The following ARHGAP22 variants were observed in gnomAD, a reference collection of about 807,000 sequenced individuals.
ARHGAP22 encodes rho GTPase-activating protein 22.
A neutral mutation model predicts 59.1 loss-of-function variants in ARHGAP22; 48 were observed. The observed-to-expected ratio is 0.81, with a 90% CI of 0.64 to 1.03. The LOEUF (loss-of-function observed/expected upper bound fraction) is 1.03. Ranked by LOEUF, ARHGAP22 falls within the 50% of genes least tolerant of loss-of-function variation. The probability of loss-of-function intolerance (pLI) is 0.00; values close to 1 mark genes in which losing one functional copy is unlikely to be tolerated. For synonymous variants in ARHGAP22, 445 were observed against 416.4 expected, an observed-to-expected ratio of 1.07 and a Z score of -0.84; for missense variants, 1,015 against 958.7, an observed-to-expected ratio of 1.06 and a Z score of -0.78.
At chr10:48,451,426 G>A (rs1478521188) in intron 8 of ARHGAP22, 1 of 703,746 alleles carries the variant, frequency 1.4e-6, no homozygotes, top group Non-Finnish European at 2.6e-6. Flanking sequence ...GTGGGGTGAG[G>A]AAGCAGGCAC....
intron 3 of ARHGAP22, chr10:48,493,533 G>GAC (rs1460972666): frequency 1.3e-6 from 2 of 1,532,250 alleles, no homozygotes. Context: ...GCAGTGGCCA[G>GAC]ACACACCTGT....
chr10:48,499,569 C>G (rs1334474561), intron 3 of ARHGAP22, among the ~76,000 whole-genome samples: 1 of 152,170 alleles, frequency 6.6e-6, no homozygotes, highest in Non-Finnish European at 1.5e-5. Context: ...TCTAATGAAG[C>G]CCCTGGTATA....
chr10:48,493,608 TG>T (rs1362548401), intron 3 of ARHGAP22: 167 of 1,471,694 alleles, frequency 1.1e-4, no homozygotes, highest in South Asian at 1.4e-4. Flanking sequence ...GCCACTCGGC[TG>T]CCTGTGTGCT....
intron 6 of ARHGAP22, 45 bp downstream of exon 6, chr10:48,454,957 C>G (rs1431777882): frequency 6.5e-7 from 1 of 1,529,388 alleles, no homozygotes; most frequent in Non-Finnish European, 8.8e-7. Context: ...CAGGCTGCCA[C>G]CCAGCCAGCC....
At chr10:48,572,553 C>T (rs187719290) in intron 2 of ARHGAP22, among the ~76,000 whole-genome samples, 28 of 152,290 alleles carry the variant, frequency 1.8e-4, no homozygotes, top group Non-Finnish European at 2.8e-4. Flanking sequence ...AGCCTCTGCT[C>T]CAGAGTGAAT....
intron 3 of ARHGAP22, among the ~76,000 whole-genome samples, chr10:48,536,984 T>G (rs940068443): frequency 4.6e-5 from 7 of 151,486 alleles, no homozygotes; most frequent in Non-Finnish European, 8.8e-5. Flanking sequence ...GCCAGGCCAC[T>G]CAATAAAAAA....
At chr10:48,571,427 C>T (rs900859254) in intron 2 of ARHGAP22, among the ~76,000 whole-genome samples, 1 of 152,182 alleles carries the variant, frequency 6.6e-6, no homozygotes, top group African/African-American at 2.4e-5. Context: ...ATCCTTGCTG[C>T]CCTGTTCTTG....
chr10:48,576,911 A>T (rs10857602), intron 2 of ARHGAP22, among the ~76,000 whole-genome samples: 1 of 140,328 alleles, frequency 7.1e-6, no homozygotes, highest in Admixed American at 7.3e-5. Flanking sequence ...ATCCCTCCCC[A>T]CACCGCCACC....
chr10:48,459,820 G>A lies in ARHGAP22; in HGVS notation c.523C>T (p.Leu175=). The change falls in exon 5 of 10, where the codon CTG becomes TTG. Residue 175 remains leucine, a synonymous_variant. Coordinates refer to ENST00000249601, the MANE Select transcript of ARHGAP22 (RefSeq NM_021226.4). The part of the protein sequence containing the change: ...RKYGPRLAPL[L]VEQCVDFIRE... Reference sequence around the variant, plus strand: ...ATGAAGTCCACACACTGCTCCACCAGCAGGGGCGCCAGGCGGGGGCCATAC... The same window carrying A: ...ATGAAGTCCACACACTGCTCCACCAACAGGGGCGCCAGGCGGGGGCCATAC... 1.9e-6 allele frequency: 3 copies of A among 1,613,664 alleles called. No individual in the cohort carries two copies. The highest frequency in any genetic ancestry group is 2.5e-6 in the Non-Finnish European group (3 of 1,180,036).
At chr10:48,440,129 T>TC in the ARHGAP22 span, among the ~76,000 whole-genome samples, 2 of 151,990 alleles carry the variant, frequency 1.3e-5, no homozygotes, top group African/African-American at 2.4e-5. Context: ...GTACTTTTTT[T>TC]TTTTCTTTTT....
intron 1 of ARHGAP22, among the ~76,000 whole-genome samples, chr10:48,627,366 C>G (rs1023216188): frequency 1.3e-5 from 2 of 152,194 alleles, no homozygotes; most frequent in Non-Finnish European, 2.9e-5. Flanking sequence ...GGACGGAGCC[C>G]TAACCAGTGT....
intron 1 of ARHGAP22, among the ~76,000 whole-genome samples, chr10:48,628,423 C>T (rs2061521170): frequency 6.6e-6 from 1 of 152,216 alleles, no homozygotes; most frequent in Admixed American, 6.5e-5. Flanking sequence ...AGGTCACTGG[C>T]TAGCAGATGG....
intron 1 of ARHGAP22, 97 bp downstream of exon 1, chr10:48,604,666 C>T (rs1194006712): frequency 9.4e-6 from 15 of 1,592,764 alleles, no homozygotes; most frequent in Non-Finnish European, 1.2e-5. Context: ...AACGCCCGCC[C>T]CATGTGACAC....
intron 3 of ARHGAP22, among the ~76,000 whole-genome samples, chr10:48,542,650 G>A (rs940139121): frequency 1.3e-5 from 2 of 152,230 alleles, no homozygotes; most frequent in African/African-American, 4.8e-5. Flanking sequence ...CATGAGGAGG[G>A]CTGGGGTTGG....
chr10:48,494,181 C>G (rs1168347164), intron 3 of ARHGAP22, among the ~76,000 whole-genome samples: 1 of 152,168 alleles, frequency 6.6e-6, no homozygotes, highest in Admixed American at 6.5e-5. Context: ...GTGTCACAGA[C>G]AGAGAAGCTG....
chr10:48,523,677 C>A (rs1430441070), intron 3 of ARHGAP22, among the ~76,000 whole-genome samples: 15 of 151,892 alleles, frequency 9.9e-5, no homozygotes, highest in African/African-American at 4.8e-5. Context: ...GACCTGCGAG[C>A]GGGTCTGGGC....
chr10:48,547,764 G>T (rs1010909115), intron 3 of ARHGAP22, among the ~76,000 whole-genome samples: 3 of 152,348 alleles, frequency 2.0e-5, no homozygotes, highest in Non-Finnish European at 4.4e-5. Context: ...TCCTGAGTGT[G>T]GGGGGCCATC....
At chr10:48,552,140 C>A (rs963352232) in intron 3 of ARHGAP22, among the ~76,000 whole-genome samples, 1 of 152,246 alleles carries the variant, frequency 6.6e-6, no homozygotes, top group Non-Finnish European at 1.5e-5. Context: ...TTAAAATTTA[C>A]GTAGTTAATT....
chr10:48,603,943 C>T (rs1215650252), intron 1 of ARHGAP22, among the ~76,000 whole-genome samples: 1 of 152,232 alleles, frequency 6.6e-6, no homozygotes, highest in African/African-American at 2.4e-5. Context: ...AAAGACCCAT[C>T]CTCCACTTCA....
Sources: allele counts gnomAD v4.1 joint callset (sites outside exome capture counted in the v4.1 genomes callset), GRCh38; gene constraint gnomAD v4.1.1; transcripts MANE v1.5; gene names NCBI Gene and HGNC (gene_info 2026-07-23, HGNC 2026-07-21).